The following ARSG variants were observed in gnomAD, a reference collection of about 807,000 sequenced individuals.
ARSG encodes the protein arylsulfatase G.
Under a neutral mutation model 50.5 loss-of-function variants are expected in ARSG, and 37 were observed. The ratio of observed to expected loss-of-function variants is 0.73; its 90% confidence interval spans 0.56 to 0.96. ARSG has a LOEUF of 0.96. ARSG is among the 50% of genes least tolerant of loss of function. The pLI is 0.00. For missense variants in ARSG, 629 were observed against 675.3 expected (o/e 0.93, Z 0.76); for synonymous variants, 225 against 254.6 (o/e 0.88, Z 1.11).
chr17:68,293,442 C>G (rs923097292), intron 1 of ARSG, among the ~76,000 whole-genome samples: 2 of 151,958 alleles, frequency 1.3e-5, no homozygotes, highest in Admixed American at 6.6e-5. Context: ...TTGGAAAAAT[C>G]ACATCTGAAT....
At chr17:68,331,663 G>A (rs1345702884) in intron 2 of ARSG, among the ~76,000 whole-genome samples, 2 of 152,164 alleles carry the variant, frequency 1.3e-5, no homozygotes, top group East Asian at 1.9e-4. Flanking sequence ...TGCCTGGCCT[G>A]ACTATTGGGG....
intron 6 of ARSG, among the ~76,000 whole-genome samples, chr17:68,364,869 C>T (rs1040716632): frequency 3.9e-5 from 6 of 152,118 alleles, no homozygotes; most frequent in South Asian, 4.1e-4. Flanking sequence ...AGGTGGCTTG[C>T]GGGACAGATG....
At chr17:68,261,087 C>G (rs1187074814) in intron 1 of ARSG, among the ~76,000 whole-genome samples, 1 of 152,186 alleles carries the variant, frequency 6.6e-6, no homozygotes, top group East Asian at 1.9e-4. Flanking sequence ...GTTCTCAGCA[C>G]AGTGCTTTCA....
chr17:68,294,758 T>G (rs2076146379), intron 1 of ARSG, among the ~76,000 whole-genome samples: 1 of 152,172 alleles, frequency 6.6e-6, no homozygotes, highest in Non-Finnish European at 1.5e-5. Flanking sequence ...GGCCAGGAAC[T>G]TCACACACTC....
the ARSG span, among the ~76,000 whole-genome samples, chr17:68,449,495 C>T: frequency 2.0e-5 from 3 of 152,142 alleles, no homozygotes. Context: ...AATCTCATGT[C>T]GAATTGTAAT....
downstream of ARSG, chr17:68,424,696 T>C (rs2083038829): frequency 5.9e-6 from 2 of 341,756 alleles, no homozygotes; most frequent in Non-Finnish European, 1.2e-5. Context: ...ACCAACATGG[T>C]GAAACCCCGT....
At chr17:68,410,606 T>G (rs1408158018) in intron 11 of ARSG, among the ~76,000 whole-genome samples, 1 of 152,160 alleles carries the variant, frequency 6.6e-6, no homozygotes, top group Admixed American at 6.5e-5. Context: ...TGTCTCTGCC[T>G]GGCTTTGGTA....
chr17:68,278,558 C>T (rs1211859183), intron 1 of ARSG, among the ~76,000 whole-genome samples: 14 of 151,996 alleles, frequency 9.2e-5, no homozygotes, highest in Non-Finnish European at 1.9e-4. Flanking sequence ...CGTCAGCCTC[C>T]CAAGTAGCTG....
At chr17:68,297,355 G>A (rs1555758697) in intron 1 of ARSG, among the ~76,000 whole-genome samples, 1 of 152,228 alleles carries the variant, frequency 6.6e-6, no homozygotes, top group Non-Finnish European at 1.5e-5. Context: ...CCTGGCTCAG[G>A]TTTAGCCAAG....
At chr17:68,413,695 A>C (rs977783588) in intron 11 of ARSG, 1 of 157,240 alleles carries the variant, frequency 6.4e-6, no homozygotes, top group Non-Finnish European at 1.4e-5. Flanking sequence ...GGGCAATGGC[A>C]GGCGCCCCTC....
the ARSG span, among the ~76,000 whole-genome samples, chr17:68,433,779 T>TTG: frequency 1.4e-5 from 1 of 70,520 alleles, no homozygotes; most frequent in African/African-American, 4.4e-5. Flanking sequence ...TTTTTTTTTT[T>TTG]TTTTTTTTTT....
chr17:68,450,981 A>G, the ARSG span: 1 of 1,509,816 alleles, frequency 6.6e-7, no homozygotes, highest in South Asian at 1.3e-5. Flanking sequence ...GGCCCGGCGC[A>G]GGCCAGGTTC....
chr17:68,450,978 C>T, the ARSG span: 75 of 1,514,262 alleles, frequency 5.0e-5, no homozygotes, highest in East Asian at 4.0e-4. Context: ...CTGGGCCCGG[C>T]GCAGGCCAGG....
intron 1 of ARSG, chr17:68,269,063 C>G (rs1301621018): frequency 3.8e-6 from 6 of 1,585,150 alleles, no homozygotes; most frequent in South Asian, 1.2e-5. Context: ...CCCTCTCCAG[C>G]CAACACAGTG....
chr17:68,319,922 G>C lies in ARSG; in HGVS notation c.218+12211G>C, dbSNP rs184163384. 4.3e-3 allele frequency among the ~76,000 whole-genome samples: 657 copies of C among 152,354 alleles called. 6 individuals carry two copies. Among genetic ancestry groups the C allele is most frequent in the African/African-American group, 0.015 (635 of 41,588 alleles). On this transcript the variant is annotated intron_variant, in intron 2 of 11. Transcript: ENST00000621439. ...TCACTTATAGATTGGTCTCAGTCAA[G>C]AAAGAGAAAGGCCCCTTGCTGGGCT...
At position 68,370,442 on chromosome 17, in the gene ARSG, AGGAGACAATG is replaced by A; in HGVS notation, c.902_911del (p.Gly301AlafsTer9). On this transcript the variant is annotated splice_acceptor_variant and coding_sequence_variant, in exon 8 of 12. Transcript: ENST00000621439. LOFTEE classifies it high-confidence loss of function. ...ACCATTAATGCTTTTTCTGGTTTCT[AGGAGACAATG>A]GCCCGTGGGCTCAGAAGTGTGAGCT... 6.2e-7 allele frequency: 1 copy of A among 1,614,028 alleles called. No homozygotes were observed. Among genetic ancestry groups the A allele is most frequent in the African/African-American group, 1.3e-5 (1 of 75,030 alleles).
intron 1 of ARSG, among the ~76,000 whole-genome samples, chr17:68,303,002 A>G (rs1223408663): frequency 1.3e-5 from 2 of 152,124 alleles, no homozygotes; most frequent in Non-Finnish European, 2.9e-5. Context: ...AGTGATGGAG[A>G]AAGAAAAAGC....
At chr17:68,287,941 TTCTC>T (rs1240256594), upstream of ARSG, among the ~76,000 whole-genome samples, 22 of 151,230 alleles carry the variant, frequency 1.5e-4, no homozygotes, top group Admixed American at 4.0e-4. Context: ...TCTTCTTCTC[TTCTC>T]TCTCTCTTTC....
the ARSG span, among the ~76,000 whole-genome samples, chr17:68,444,873 C>T: frequency 1.3e-5 from 2 of 151,302 alleles, no homozygotes. Context: ...CTCCCTCCCT[C>T]TCTTCCTTCT....
Sources: gnomAD v4.1 joint callset for allele counts (sites outside exome capture counted in the v4.1 genomes callset) on GRCh38, gnomAD v4.1.1 for gene constraint, MANE v1.5 for transcripts, NCBI Gene and HGNC (gene_info 2026-07-23, HGNC 2026-07-21) for gene names.